The following PITPNC1 variants were observed in gnomAD, a reference collection of about 807,000 sequenced individuals.
PITPNC1 encodes the protein phosphatidylinositol transfer protein cytoplasmic 1.
Under a neutral mutation model 44.7 loss-of-function variants are expected in PITPNC1, and 18 were observed. The ratio of observed to expected loss-of-function variants is 0.40; its 90% CI spans 0.28 to 0.60. The LOEUF (loss-of-function observed/expected upper bound fraction) is 0.60. Ranked by LOEUF, PITPNC1 falls within the 20% of genes least tolerant of loss-of-function variation. The pLI is 0.39. For missense variants in PITPNC1, 290 were observed against 418.4 expected (o/e 0.69, Z 2.68); for synonymous variants, 141 against 149.6 (o/e 0.94, Z 0.42).
chr17:67,382,657 C>A (rs2037980277), intron 1 of PITPNC1, among the ~76,000 whole-genome samples: 1 of 152,142 alleles, frequency 6.6e-6, no homozygotes, highest in African/African-American at 2.4e-5. Context: ...CACTCTCTCG[C>A]TCTGTCGCCC....
At chr17:67,631,655 A>ATATATATATATAT (rs57804710) in intron 5 of PITPNC1, among the ~76,000 whole-genome samples, 20 of 8,302 alleles carry the variant, frequency 2.4e-3, no homozygotes, top group African/African-American at 6.2e-3. Context: ...AAAAAAAAAA[A>ATATATATATATAT]AAATATATAT....
chr17:67,484,306 C>G (rs1221159323), intron 1 of PITPNC1, among the ~76,000 whole-genome samples: 1 of 152,162 alleles, frequency 6.6e-6, no homozygotes, highest in African/African-American at 2.4e-5. Context: ...TTCCTACTCT[C>G]TAACTTTGCC....
intron 1 of PITPNC1, among the ~76,000 whole-genome samples, chr17:67,413,692 G>A (rs2143849776): frequency 6.6e-6 from 1 of 152,240 alleles, no homozygotes; most frequent in Admixed American, 6.5e-5. Flanking sequence ...CCTGGGAATT[G>A]CATAAAGAAT....
At chr17:67,605,216 C>T (rs2041593577) in intron 5 of PITPNC1, among the ~76,000 whole-genome samples, 1 of 152,176 alleles carries the variant, frequency 6.6e-6, no homozygotes, top group Admixed American at 6.5e-5. Flanking sequence ...TTTATTTTTC[C>T]TATCTCATAG....
At chr17:67,599,030 A>ATTTT (rs2041503726) in intron 5 of PITPNC1, among the ~76,000 whole-genome samples, 1 of 30,204 alleles carries the variant, frequency 3.3e-5, no homozygotes, top group African/African-American at 1.6e-4. Context: ...ATATATATAT[A>ATTTT]TATATTTTTT....
At chr17:67,655,298 C>T (rs2144374650) in intron 6 of PITPNC1, among the ~76,000 whole-genome samples, 1 of 152,038 alleles carries the variant, frequency 6.6e-6, no homozygotes, top group East Asian at 1.9e-4. Context: ...CTGGCTCATG[C>T]CTGTAATCCC....
chr17:67,405,320 G>A (rs574792476), intron 1 of PITPNC1, among the ~76,000 whole-genome samples: 183 of 152,024 alleles, frequency 1.2e-3, no homozygotes, highest in African/African-American at 4.2e-3. Context: ...GGGAGGCTGA[G>A]GTGGGAGGAT....
In PITPNC1 at chr17:67,485,696, T is replaced by G. The variant is rs568716600; in HGVS notation, c.49-47106T>G. On this transcript the variant is annotated intron_variant, in intron 1 of 8. Coordinates refer to ENST00000581322, the MANE Select transcript of PITPNC1 (RefSeq NM_012417.4). ...GAACAACTGACTTGCCAATTTAGTC[T>G]GTAAGATCAGGAGTTGAGGGACATT... Among the ~76,000 whole-genome samples the G allele has an allele frequency of 2.0e-4, 30 of 152,246 alleles. No individual in the cohort carries two copies. The South Asian group carries it at 5.8e-3, about 29-fold the overall frequency.
At chr17:67,560,659 G>C (rs1598821899) in intron 4 of PITPNC1, among the ~76,000 whole-genome samples, 1 of 152,194 alleles carries the variant, frequency 6.6e-6, no homozygotes, top group Admixed American at 6.5e-5. Context: ...CCCAATTAGT[G>C]CCTGGTGAAG....
intron 1 of PITPNC1, among the ~76,000 whole-genome samples, chr17:67,406,103 C>T (rs1164314104): frequency 1.3e-5 from 2 of 152,162 alleles, no homozygotes; most frequent in South Asian, 2.1e-4. Context: ...TAAGGTTATG[C>T]ACCCATCACC....
chr17:67,631,657 A>AAATATATATATAT (rs1555574522), intron 5 of PITPNC1, among the ~76,000 whole-genome samples: 9 of 7,672 alleles, frequency 1.2e-3, no homozygotes, highest in African/African-American at 2.6e-3. Flanking sequence ...AAAAAAAAAA[A>AAATATATATATAT]ATATATATAT....
At chr17:67,539,068 A>G (rs2144139916) in intron 2 of PITPNC1, among the ~76,000 whole-genome samples, 1 of 152,316 alleles carries the variant, frequency 6.6e-6, no homozygotes, top group East Asian at 1.9e-4. Flanking sequence ...ATAAACATGA[A>G]AAAAATTCCC....
intron 1 of PITPNC1, among the ~76,000 whole-genome samples, chr17:67,390,203 A>G (rs1047372672): frequency 6.6e-6 from 1 of 152,204 alleles, no homozygotes; most frequent in African/African-American, 2.4e-5. Flanking sequence ...GCAGTGTGGG[A>G]AAAAAATCTA....
At chr17:67,379,097 C>T (rs2143771206) in intron 1 of PITPNC1, 2 of 985,964 alleles carry the variant, frequency 2.0e-6, no homozygotes, top group Non-Finnish European at 1.2e-6. Context: ...TCCTCCCCAC[C>T]TTTGTGGTGA....
rs553481421 is a variant in PITPNC1, at chr17:67,602,703, C to T, written c.366+24446C>T. Among the ~76,000 whole-genome samples, 20 of 152,208 alleles carry T rather than the reference C, an allele frequency of 1.3e-4. No homozygotes were observed. In the East Asian group the frequency reaches 2.9e-3, roughly 22 times the overall value. The stretch of plus-strand genomic sequence containing the variant: ...GAGGAGGAGGGCCCTGGAAAAGTGC[C>T]ACTCATTCTACAAGTGACCACTAAC... On this transcript the variant is annotated intron_variant, in intron 5 of 8. Transcript: ENST00000581322.
chr17:67,625,977 GT>G (rs1567746339), intron 5 of PITPNC1, among the ~76,000 whole-genome samples: 1 of 149,152 alleles, frequency 6.7e-6, no homozygotes, highest in African/African-American at 2.5e-5. Flanking sequence ...TTTGTTTGTT[GT>G]TTTTTTTTTT....
At chr17:67,542,633 G>T (rs193289850) in intron 2 of PITPNC1, among the ~76,000 whole-genome samples, 2 of 152,256 alleles carry the variant, frequency 1.3e-5, no homozygotes, top group Admixed American at 6.5e-5. Context: ...CTGATTGTTG[G>T]ACCGGCCGTA....
At chr17:67,673,302 G>C (rs189745435) in intron 7 of PITPNC1, among the ~76,000 whole-genome samples, 1 of 152,058 alleles carries the variant, frequency 6.6e-6, no homozygotes, top group Non-Finnish European at 1.5e-5. Flanking sequence ...AATGTTACAG[G>C]GATACTGTGA....
At chr17:67,454,338 T>G (rs1195959736) in intron 1 of PITPNC1, among the ~76,000 whole-genome samples, 1 of 152,094 alleles carries the variant, frequency 6.6e-6, no homozygotes, top group African/African-American at 2.4e-5. Flanking sequence ...TTATTAACTA[T>G]GTGATCTTTC....
Sources: gnomAD v4.1 joint callset for allele counts (sites outside exome capture counted in the v4.1 genomes callset) on GRCh38, gnomAD v4.1.1 for gene constraint, MANE v1.5 for transcripts, NCBI Gene and HGNC (gene_info 2026-07-23, HGNC 2026-07-21) for gene names.